Variants in PEBP4 observed in about 807,000 individuals in gnomAD.
The protein encoded by PEBP4 is phosphatidylethanolamine binding protein 4, also known as phosphatidylethanolamine-binding protein 4.
In PEBP4, 22 loss-of-function variants were observed where a neutral mutation model predicts 23.9. The observed-to-expected ratio is 0.92, with a 90% CI of 0.66 to 1.31. The LOEUF (loss-of-function observed/expected upper bound fraction) is 1.31, where lower values mean the gene tolerates loss of function less well. Among genes scored for constraint, PEBP4 ranks in the 40% most tolerant of loss-of-function variants. The pLI is 0.00. For synonymous variants in PEBP4, 112 were observed against 99.3 expected, an observed-to-expected ratio of 1.13 and a Z score of -0.76; for missense variants, 324 against 281.7, an observed-to-expected ratio of 1.15 and a Z score of -1.07.
At chr8:22,924,863 G>C (rs1400393466) in intron 2 of PEBP4, 21 of 985,258 alleles carry the variant, frequency 2.1e-5, no homozygotes, top group Non-Finnish European at 2.4e-5. Context: ...TCTGATTCCC[G>C]AGAAGCGTTA....
intron 6 of PEBP4, among the ~76,000 whole-genome samples, chr8:22,716,261 T>G (rs1356431802): frequency 1.3e-5 from 2 of 152,192 alleles, no homozygotes; most frequent in Non-Finnish European, 2.9e-5. Context: ...GGGGTGCTGT[T>G]CTCATCCTGC....
intron 3 of PEBP4, among the ~76,000 whole-genome samples, chr8:22,845,607 G>A (rs778775678): frequency 7.2e-5 from 11 of 152,194 alleles, no homozygotes; most frequent in Non-Finnish European, 1.5e-4. Flanking sequence ...CATTCCATGA[G>A]TCTGTGTATT....
At chr8:22,749,613 C>T (rs564662052) in intron 4 of PEBP4, among the ~76,000 whole-genome samples, 1 of 152,188 alleles carries the variant, frequency 6.6e-6, no homozygotes, top group Non-Finnish European at 1.5e-5. Context: ...GAGCAGATTC[C>T]CCATCCAGGT....
chr8:22,715,064 G>T (rs1804384169), intron 6 of PEBP4, among the ~76,000 whole-genome samples: 1 of 152,232 alleles, frequency 6.6e-6, no homozygotes, highest in African/African-American at 2.4e-5. Context: ...CTGGGGTACT[G>T]GCAAGGAAGC....
At chr8:22,912,345 A>G (rs941726554) in intron 3 of PEBP4, among the ~76,000 whole-genome samples, 5 of 152,226 alleles carry the variant, frequency 3.3e-5, no homozygotes, top group African/African-American at 1.2e-4. Context: ...CACTACCGGA[A>G]CAGTACCTGG....
At chr8:22,753,426 T>C (rs1446931072) in intron 4 of PEBP4, among the ~76,000 whole-genome samples, 6 of 152,228 alleles carry the variant, frequency 3.9e-5, no homozygotes, top group Admixed American at 3.9e-4. Context: ...GATTTGTGCC[T>C]CAAACTCTCT....
intron 6 of PEBP4, among the ~76,000 whole-genome samples, chr8:22,715,160 A>T (rs1337885596): frequency 6.6e-6 from 1 of 152,134 alleles, no homozygotes; most frequent in East Asian, 1.9e-4. Context: ...GATGGGGCCC[A>T]GGGGGGCTGG....
At chr8:22,778,165 T>C (rs1261556530) in intron 4 of PEBP4, among the ~76,000 whole-genome samples, 1 of 152,066 alleles carries the variant, frequency 6.6e-6, no homozygotes, top group Non-Finnish European at 1.5e-5. Context: ...CTGCTTGTCC[T>C]GAGCTTATCT....
chr8:22,929,963 A>G (rs1447876232), upstream of PEBP4, among the ~76,000 whole-genome samples: 2 of 152,172 alleles, frequency 1.3e-5, no homozygotes, highest in Non-Finnish European at 2.9e-5. Flanking sequence ...GTGTGCTCCC[A>G]AAGTGCTGGG....
intron 3 of PEBP4, among the ~76,000 whole-genome samples, chr8:22,907,328 A>G (rs1808838259): frequency 6.6e-6 from 1 of 152,142 alleles, no homozygotes; most frequent in Non-Finnish European, 1.5e-5. Flanking sequence ...CATGGCCAAC[A>G]TGGTGAAACC....
intron 3 of PEBP4, among the ~76,000 whole-genome samples, chr8:22,848,387 G>A (rs1406369316): frequency 3.3e-5 from 5 of 152,012 alleles, no homozygotes; most frequent in Admixed American, 2.6e-4. Context: ...GGGTGGTGGC[G>A]ATGTGGGCTG....
chr8:22,787,291 T>C (rs759461741), intron 4 of PEBP4, among the ~76,000 whole-genome samples: 1 of 151,952 alleles, frequency 6.6e-6, no homozygotes, highest in Non-Finnish European at 1.5e-5. Flanking sequence ...AGTTGAAGAG[T>C]TGGGGTCTTC....
intron 3 of PEBP4, among the ~76,000 whole-genome samples, chr8:22,857,930 G>C (rs1181872905): frequency 6.6e-6 from 1 of 152,194 alleles, no homozygotes; most frequent in African/African-American, 2.4e-5. Flanking sequence ...TGACTTACAT[G>C]CCCCTGGTGC....
intron 3 of PEBP4, among the ~76,000 whole-genome samples, chr8:22,910,176 C>T (rs1445776211): frequency 2.0e-5 from 3 of 152,210 alleles, no homozygotes; most frequent in African/African-American, 7.2e-5. Flanking sequence ...GGGATCAACA[C>T]CTGCCTGACC....
At chr8:22,908,581 A>T (rs1440278100) in intron 3 of PEBP4, among the ~76,000 whole-genome samples, 1 of 152,186 alleles carries the variant, frequency 6.6e-6, no homozygotes, top group African/African-American at 2.4e-5. Flanking sequence ...ACAAGCTGCA[A>T]GCAACAGCGC....
chr8:22,898,812 G>A (rs11135685), intron 3 of PEBP4, among the ~76,000 whole-genome samples: 30,377 of 152,108 alleles, frequency 0.2, 4,237 homozygotes, highest in African/African-American at 0.4. Context: ...GTTGCGGGAT[G>A]ATAAAGGGGT....
At chr8:22,936,159 A>T (rs1181224629) in intron 1 of PEBP4, among the ~76,000 whole-genome samples, 1 of 152,004 alleles carries the variant, frequency 6.6e-6, no homozygotes, top group African/African-American at 2.4e-5. Context: ...CATCAGTAAA[A>T]TTGACACTAT....
Position 22,927,628 on chromosome 8 carries a change from C to G in PEBP4, c.87G>C (p.Pro29=), listed in dbSNP as rs369536370. Residue 29 remains proline (P), a synonymous_variant, in exon 2 of 7, where the codon CCG becomes CCC. Coordinates refer to ENST00000256404, the MANE Select transcript of PEBP4 (RefSeq NM_144962.3). ...VVTGDEDENS[P]CAHEALLDED... ...CGTCCAAGAGGGCCTCATGGGCACA[C>G]GGGCTGTTCTCATCCTCGTCTCCAG... is the stretch of plus-strand genomic sequence containing the variant. The G allele has an allele frequency of 6.2e-7, 1 of 1,613,672 alleles. No individual in the cohort carries two copies. Among genetic ancestry groups the G allele is most frequent in the Non-Finnish European group, 8.5e-7 (1 of 1,179,826 alleles).
At chr8:22,867,653 C>T (rs12548848) in intron 3 of PEBP4, among the ~76,000 whole-genome samples, 47,318 of 152,056 alleles carry the variant, frequency 0.31, 8,344 homozygotes, top group South Asian at 0.59. Context: ...CCTCCAACCC[C>T]ACCCCAAGAG....
Sources: allele counts gnomAD v4.1 joint callset (sites outside exome capture counted in the v4.1 genomes callset), GRCh38; gene constraint gnomAD v4.1.1; transcripts MANE v1.5; gene names NCBI Gene and HGNC (gene_info 2026-07-23, HGNC 2026-07-21).